The following ROBO1 variants were observed in gnomAD, a reference collection of about 807,000 sequenced individuals.
ROBO1 encodes roundabout guidance receptor 1.
In ROBO1, 149 loss-of-function variants were observed where a neutral mutation model predicts 195.9. The observed-to-expected ratio is 0.76, with a 90% CI of 0.67 to 0.87. The LOEUF (loss-of-function observed/expected upper bound fraction) is 0.87. Among genes scored for constraint, ROBO1 ranks in the 40% least tolerant of loss-of-function variants. The probability of loss-of-function intolerance (pLI) is 0.00; values close to 1 mark genes in which losing one functional copy is unlikely to be tolerated. For missense variants in ROBO1, 1,933 were observed against 2,068.3 expected (o/e 0.93, Z 1.27); for synonymous variants, 816 against 733.2 (o/e 1.11, Z -1.82).
At chr3:79,441,380 G>A (rs1215075188) in intron 2 of ROBO1, among the ~76,000 whole-genome samples, 1 of 152,072 alleles carries the variant, frequency 6.6e-6, no homozygotes. Context: ...GCTTGTCTGT[G>A]TCTGTGTGAT....
chr3:79,363,048 T>A (rs918648504), intron 2 of ROBO1, among the ~76,000 whole-genome samples: 1 of 152,178 alleles, frequency 6.6e-6, no homozygotes, highest in Non-Finnish European at 1.5e-5. Flanking sequence ...CTCAGCCTGA[T>A]GAGGAAAGCT....
chr3:79,744,308 T>G (rs111250482), intron 1 of ROBO1, among the ~76,000 whole-genome samples: 2 of 152,270 alleles, frequency 1.3e-5, no homozygotes, highest in African/African-American at 4.8e-5. Flanking sequence ...TATATAAATA[T>G]GTATTTAGGA....
chr3:79,208,848 C>T (rs1470117745), intron 2 of ROBO1, among the ~76,000 whole-genome samples: 1 of 151,730 alleles, frequency 6.6e-6, no homozygotes, highest in Non-Finnish European at 1.5e-5. Flanking sequence ...TGACTGCAAC[C>T]TTTCCGAGAA....
intron 2 of ROBO1, among the ~76,000 whole-genome samples, chr3:79,558,699 T>C (rs924566898): frequency 1.3e-5 from 2 of 152,314 alleles, no homozygotes; most frequent in East Asian, 3.9e-4. Flanking sequence ...TATTCTGTTA[T>C]GAATGTTGTC....
At chr3:78,650,293 A>G (rs1706564589) in intron 19 of ROBO1, among the ~76,000 whole-genome samples, 1 of 152,142 alleles carries the variant, frequency 6.6e-6, no homozygotes. Flanking sequence ...TCCATTTCAC[A>G]GGCGGGAATA....
chr3:78,896,133 T>C (rs1408753828), intron 4 of ROBO1, among the ~76,000 whole-genome samples: 1 of 152,154 alleles, frequency 6.6e-6, no homozygotes, highest in Non-Finnish European at 1.5e-5. Context: ...TCTCTCCCCA[T>C]TAAAACAGAA....
At chr3:78,774,414 C>A (rs944108963) in intron 4 of ROBO1, among the ~76,000 whole-genome samples, 2 of 152,010 alleles carry the variant, frequency 1.3e-5, no homozygotes, top group Admixed American at 1.3e-4. Flanking sequence ...GGGTTCACGC[C>A]ATTCTCCTGC....
At chr3:79,320,905 A>T (rs1428240984) in intron 2 of ROBO1, among the ~76,000 whole-genome samples, 1 of 152,156 alleles carries the variant, frequency 6.6e-6, no homozygotes, top group Non-Finnish European at 1.5e-5. Flanking sequence ...TACATTTGTC[A>T]CCTCATATAT....
intron 1 of ROBO1, among the ~76,000 whole-genome samples, chr3:79,679,950 C>T (rs1172809241): frequency 6.6e-6 from 1 of 151,952 alleles, no homozygotes; most frequent in Non-Finnish European, 1.5e-5. Context: ...CGTCACATGT[C>T]ATGTTGGGAA....
chr3:79,665,524 T>C (rs928164705), intron 1 of ROBO1, among the ~76,000 whole-genome samples: 3 of 151,856 alleles, frequency 2.0e-5, no homozygotes, highest in African/African-American at 7.2e-5. Context: ...ATATTTAACA[T>C]AGCAATACCA....
intron 3 of ROBO1, among the ~76,000 whole-genome samples, chr3:79,093,867 T>C (rs2079520885): frequency 6.6e-6 from 1 of 151,932 alleles, no homozygotes. Context: ...AAAGCAGAGA[T>C]GGAAGGATCA....
chr3:78,708,396 TC>T (rs905119829), intron 8 of ROBO1, among the ~76,000 whole-genome samples: 1 of 152,146 alleles, frequency 6.6e-6, no homozygotes, highest in African/African-American at 2.4e-5. Flanking sequence ...GATTTTTTTT[TC>T]ATTTTTAAGT....
intron 2 of ROBO1, among the ~76,000 whole-genome samples, chr3:79,244,955 G>A (rs1459996088): frequency 1.3e-5 from 2 of 151,928 alleles, no homozygotes; most frequent in African/African-American, 2.4e-5. Context: ...ACAACAAGAC[G>A]TAAGTGGCAT....
chr3:79,166,193 G>C (rs767142418), intron 2 of ROBO1, among the ~76,000 whole-genome samples: 3 of 152,150 alleles, frequency 2.0e-5, no homozygotes, highest in African/African-American at 7.2e-5. Flanking sequence ...TGTAAGACTT[G>C]ATGAAGATCA....
chr3:79,616,471 C>T (rs1002671777), intron 1 of ROBO1, among the ~76,000 whole-genome samples: 5 of 152,102 alleles, frequency 3.3e-5, no homozygotes, highest in South Asian at 2.1e-4. Flanking sequence ...CAATATGGGA[C>T]GGCCCTAGGG....
At chr3:79,145,360 TACACACACACATACACACACAC>T (rs1180568078) in intron 2 of ROBO1, among the ~76,000 whole-genome samples, 7 of 22,140 alleles carry the variant, frequency 3.2e-4, no homozygotes, top group East Asian at 4.3e-3. Flanking sequence ...ATGCCAGAAA[TACACACACACATACACACACAC>T]ACACACACAC....
chr3:79,266,961 T>C lies in ROBO1; in HGVS notation c.89-141422A>G, dbSNP rs542231750. Among the ~76,000 whole-genome samples the C allele has an allele frequency of 4.0e-5, 6 of 151,680 alleles. No homozygotes were observed. In the East Asian group the frequency reaches 7.7e-4, roughly 20 times the overall value. ...TTGAAGTTTCTCCCATTATCCTCCG[T>C]TCACTTATATGCTTTTTGTTGGATT... On this transcript the variant is annotated intron_variant, in intron 2 of 30. Coordinates refer to ENST00000464233, the MANE Select transcript of ROBO1 (RefSeq NM_002941.4).
intron 4 of ROBO1, among the ~76,000 whole-genome samples, chr3:78,757,630 G>A (rs1389116198): frequency 6.6e-6 from 1 of 152,034 alleles, no homozygotes; most frequent in Non-Finnish European, 1.5e-5. Context: ...CTAGTAATTG[G>A]GAAGAACTAG....
intron 5 of ROBO1, among the ~76,000 whole-genome samples, chr3:78,734,648 G>A (rs2082354821): frequency 1.3e-5 from 2 of 151,180 alleles, no homozygotes; most frequent in African/African-American, 4.9e-5. Flanking sequence ...CATCTCAGGA[G>A]ATTTAAGAGA....
Sources: gnomAD v4.1 joint callset for allele counts (sites outside exome capture counted in the v4.1 genomes callset) on GRCh38, gnomAD v4.1.1 for gene constraint, MANE v1.5 for transcripts, NCBI Gene and HGNC (gene_info 2026-07-23, HGNC 2026-07-21) for gene names.